KCNQ5: variants seen among roughly 807,000 people sequenced by gnomAD.
KCNQ5 encodes potassium voltage-gated channel subfamily Q member 5.
KCNQ5 carries 30 observed loss-of-function variants against 98.2 expected under a neutral mutation model. The ratio of observed to expected loss-of-function variants is 0.31; its 90% CI spans 0.23 to 0.41. The LOEUF (loss-of-function observed/expected upper bound fraction) is 0.41, where lower values mean the gene tolerates loss of function less well. KCNQ5 is among the 10% of genes least tolerant of loss of function. KCNQ5 has a pLI of 1.00. For missense variants in KCNQ5, 835 were observed against 1,182.5 expected (o/e 0.71, Z 4.31); for synonymous variants, 458 against 449.4 (o/e 1.02, Z -0.24).
chr6:72,771,715 T>C (rs1772900108), intron 1 of KCNQ5, among the ~76,000 whole-genome samples: 1 of 151,304 alleles, frequency 6.6e-6, no homozygotes, highest in Non-Finnish European at 1.5e-5. Context: ...CTTAAATATA[T>C]GCAATAAAAA....
chr6:72,908,108 C>A (rs1779778475), intron 1 of KCNQ5, among the ~76,000 whole-genome samples: 1 of 152,036 alleles, frequency 6.6e-6, no homozygotes, highest in Non-Finnish European at 1.5e-5. Flanking sequence ...TTGCTTTCTA[C>A]TAGTCTTTCA....
intron 1 of KCNQ5, among the ~76,000 whole-genome samples, chr6:72,809,131 C>G (rs1222145043): frequency 6.6e-6 from 1 of 150,578 alleles, no homozygotes; most frequent in Admixed American, 6.6e-5. Flanking sequence ...TCTCAGTAAA[C>G]TATCGCAAGA....
chr6:72,967,102 C>T (rs1034655312), intron 1 of KCNQ5, among the ~76,000 whole-genome samples: 1 of 152,088 alleles, frequency 6.6e-6, no homozygotes, highest in African/African-American at 2.4e-5. Context: ...GGAGAAGGTC[C>T]ATGGTTATAA....
rs139031998 is a variant in KCNQ5, at chr6:73,063,667, T to TA, written c.617-13655_617-13654insA. Among the ~76,000 whole-genome samples the TA allele has an allele frequency of 9.7e-3, 625 of 64,388 alleles. 4 individuals carry two copies. The highest frequency in any genetic ancestry group is 0.014 in the African/African-American group (287 of 20,872). 42.2% of individuals were successfully genotyped at this position (64,388 alleles called of 152,430 possible). A position where few individuals can be genotyped will look rare whatever the true frequency, so the allele number is the denominator to read the frequency against. On this transcript the variant is annotated intron_variant, in intron 3 of 13. Coordinates refer to ENST00000370398, the MANE Select transcript of KCNQ5 (RefSeq NM_019842.4). ...TACAGATAGATGATAGATAGATAGA[T>TA]GATAGATAGATAGATAGATGATAGA...
chr6:72,692,584 T>C (rs1768266926), intron 1 of KCNQ5, among the ~76,000 whole-genome samples: 1 of 152,192 alleles, frequency 6.6e-6, no homozygotes, highest in Non-Finnish European at 1.5e-5. Flanking sequence ...CATTTTGAAA[T>C]TTTCTAAGGT....
intron 1 of KCNQ5, among the ~76,000 whole-genome samples, chr6:72,960,615 A>G (rs1454006156): frequency 6.6e-6 from 1 of 152,012 alleles, no homozygotes; most frequent in Admixed American, 6.6e-5. Flanking sequence ...TTTAGTAGAG[A>G]CGGTGTTTCA....
chr6:72,978,176 A>G (rs1582125718), intron 1 of KCNQ5, among the ~76,000 whole-genome samples: 2 of 152,362 alleles, frequency 1.3e-5, no homozygotes, highest in South Asian at 4.1e-4. Flanking sequence ...CACATTGAAT[A>G]TATAACAGTC....
At chr6:72,757,718 C>G (rs1772042709) in intron 1 of KCNQ5, among the ~76,000 whole-genome samples, 1 of 152,084 alleles carries the variant, frequency 6.6e-6, no homozygotes, top group South Asian at 2.1e-4. Flanking sequence ...AGTCAGGGAC[C>G]ATCTCTATGT....
rs1236296865 is a variant in KCNQ5 at position 72,764,692 on chromosome 6, A to C, written c.398+142105A>C. On this transcript the variant is annotated intron_variant, in intron 1 of 13. Coordinates refer to ENST00000370398, the MANE Select transcript of KCNQ5 (RefSeq NM_019842.4). Reference sequence around the variant, plus strand: ...CTATAGTCATCCTTTTGTGCTATCAAATAGTAGGTCTTATTCATTCTCTCT... The same window carrying C: ...CTATAGTCATCCTTTTGTGCTATCACATAGTAGGTCTTATTCATTCTCTCT... 2.6e-5 allele frequency among the ~76,000 whole-genome samples: 4 copies of C among 151,938 alleles called. No individual in the cohort carries two copies. The East Asian group carries it at 7.7e-4, about 29-fold the overall frequency.
intron 1 of KCNQ5, among the ~76,000 whole-genome samples, chr6:72,841,620 T>C (rs370506391): frequency 6.6e-6 from 1 of 152,230 alleles, no homozygotes; most frequent in East Asian, 1.9e-4. Flanking sequence ...ATGCTCTTTC[T>C]ATTCCCCATA....
intron 3 of KCNQ5, among the ~76,000 whole-genome samples, chr6:73,073,854 G>A (rs929776753): frequency 2.6e-5 from 4 of 152,116 alleles, no homozygotes; most frequent in African/African-American, 9.7e-5. Context: ...CACAGCTTAA[G>A]CTACTCCCCC....
intron 1 of KCNQ5, among the ~76,000 whole-genome samples, chr6:72,673,057 TG>T (rs1767219013): frequency 1.3e-5 from 2 of 152,214 alleles, no homozygotes; most frequent in Non-Finnish European, 2.9e-5. Context: ...TTTCCAGTAG[TG>T]AGGTTACTAC....
At chr6:73,181,135 T>C (rs1778391667) in intron 11 of KCNQ5, among the ~76,000 whole-genome samples, 1 of 152,206 alleles carries the variant, frequency 6.6e-6, no homozygotes, top group Admixed American at 6.5e-5. Flanking sequence ...TATTTCTTCA[T>C]GCTCAGAAAA....
intron 1 of KCNQ5, among the ~76,000 whole-genome samples, chr6:72,946,199 A>G (rs993480218): frequency 7.2e-5 from 11 of 152,202 alleles, no homozygotes; most frequent in African/African-American, 2.7e-4. Flanking sequence ...AACATGAAAA[A>G]CCATCTATAT....
At chr6:73,184,872 G>C (rs1302602848) in intron 11 of KCNQ5, among the ~76,000 whole-genome samples, 5 of 152,170 alleles carry the variant, frequency 3.3e-5, no homozygotes, top group Non-Finnish European at 7.4e-5. Context: ...GGAATGACTA[G>C]AGATGAGTAT....
At chr6:73,146,532 T>C (rs1168231178) in intron 10 of KCNQ5, among the ~76,000 whole-genome samples, 1 of 142,504 alleles carries the variant, frequency 7.0e-6, no homozygotes, top group Non-Finnish European at 1.5e-5. Flanking sequence ...GGCTGAGAAA[T>C]GGGAGGATCT....
intron 7 of KCNQ5, 38 bp from the exon 8 acceptor site, chr6:73,120,444 CT>C (rs760213630): frequency 7.1e-7 from 1 of 1,403,898 alleles, no homozygotes. Flanking sequence ...ATCCTGCTCT[CT>C]TTTTTCTTTT....
Position 72,622,664 on chromosome 6 carries a change from G to C in KCNQ5, c.398+77G>C. ...GCCCCCTGGGGCGTGCTCCGCGCTC[G>C]CGCCCTTGGGCCCCCGCGCGCGTGC... is the stretch of plus-strand genomic sequence containing the variant. On this transcript the variant is annotated intron_variant, in intron 1 of 13. Coordinates refer to ENST00000370398, the MANE Select transcript of KCNQ5 (RefSeq NM_019842.4). The surrounding 1 kb of genome is among the most constrained non-coding windows in gnomAD (Gnocchi z 6.0). 1 of 1,528,958 alleles carries C rather than the reference G, an allele frequency of 6.5e-7. No individual in the cohort carries two copies. Among genetic ancestry groups the C allele is most frequent in the East Asian group, 2.3e-5 (1 of 42,672 alleles). 94.7% of individuals were successfully genotyped at this position (1,528,958 alleles called of 1,614,324 possible).
At chr6:73,146,068 G>A (rs901915294) in intron 10 of KCNQ5, among the ~76,000 whole-genome samples, 2 of 152,138 alleles carry the variant, frequency 1.3e-5, no homozygotes, top group Non-Finnish European at 2.9e-5. Flanking sequence ...ATTTGGGTGG[G>A]GATACAGAGC....
Sources: allele counts gnomAD v4.1 joint callset (sites outside exome capture counted in the v4.1 genomes callset), GRCh38; gene constraint gnomAD v4.1.1; non-coding constraint Gnocchi (gnomAD v3.1); transcripts MANE v1.5; gene names NCBI Gene and HGNC (gene_info 2026-07-23, HGNC 2026-07-21).